Variants in HS3ST3B1 observed in about 807,000 individuals in gnomAD.
HS3ST3B1 encodes the protein heparan sulfate-glucosamine 3-sulfotransferase 3B1, also known as heparan sulfate glucosamine 3-O-sulfotransferase 3B1.
HS3ST3B1 carries 13 observed loss-of-function variants against 21.3 expected under a neutral mutation model. The ratio of observed to expected loss-of-function variants is 0.61; its 90% CI spans 0.40 to 0.97. The LOEUF is 0.97. Among genes scored for constraint, HS3ST3B1 ranks in the 50% least tolerant of loss-of-function variants. The probability of loss-of-function intolerance (pLI) is 0.00; values close to 1 mark genes in which losing one functional copy is unlikely to be tolerated. For synonymous variants in HS3ST3B1, 234 were observed against 254.8 expected (o/e 0.92, Z 0.78); for missense variants, 459 against 554.8 (o/e 0.83, Z 1.73).
intron 1 of HS3ST3B1, among the ~76,000 whole-genome samples, chr17:14,324,244 C>T (rs1909742094): frequency 6.6e-6 from 1 of 152,186 alleles, no homozygotes; most frequent in South Asian, 2.1e-4. Context: ...ACCCCTCACC[C>T]TCAAAACTTC....
At chr17:14,334,268 GTT>G (rs11384759) in intron 1 of HS3ST3B1, among the ~76,000 whole-genome samples, 1 of 146,894 alleles carries the variant, frequency 6.8e-6, no homozygotes, top group African/African-American at 2.5e-5. Flanking sequence ...TTTTTTCATG[GTT>G]TTTTTTTTTT....
At chr17:14,319,920 C>T (rs901906420) in intron 1 of HS3ST3B1, among the ~76,000 whole-genome samples, 1 of 151,924 alleles carries the variant, frequency 6.6e-6, no homozygotes, top group Non-Finnish European at 1.5e-5. Context: ...TCTTTGATTC[C>T]TCACCACCCT....
At position 14,345,784 on chromosome 17, in the gene HS3ST3B1, C is replaced by T. The variant is rs1314390650; in HGVS notation, c.*138C>T. The T allele has an allele frequency of 9.0e-7, 1 of 1,110,610 alleles. No individual in the cohort carries two copies. Among genetic ancestry groups the T allele is most frequent in the Non-Finnish European group, 1.2e-6 (1 of 800,120 alleles). The allele number at this position is 1,110,610 out of a possible 1,614,324, so 68.8% of individuals were successfully genotyped here. A position where few individuals can be genotyped will look rare whatever the true frequency, so the allele number is the denominator to read the frequency against. Reference sequence around the variant, plus strand: ...ATTAATTCACTAAGCTGCCTAGCCACACTCTTTAGAGAGTTAGCTTCATAA... The same window carrying T: ...ATTAATTCACTAAGCTGCCTAGCCATACTCTTTAGAGAGTTAGCTTCATAA... On this transcript the variant is annotated 3_prime_UTR_variant, in exon 2 of 2. Transcript: ENST00000360954.
rs375842978 is a variant in HS3ST3B1 at position 14,344,883 on chromosome 17, G to T, written c.555-145G>T. ...AGGTGGGATGCTAATCTACCTTTCA[G>T]CTCTAAAGTTCTACTTGCATTTTAC... is the stretch of plus-strand genomic sequence containing the variant. On this transcript the variant is annotated intron_variant, in intron 1 of 1. Transcript: ENST00000360954. 7 of 1,281,882 alleles carry T rather than the reference G, an allele frequency of 5.5e-6. No individual in the cohort carries two copies. In the African/African-American group the frequency reaches 6.0e-5, roughly 11 times the overall value. The allele number at this position is 1,281,882 out of a possible 1,614,324, so 79.4% of individuals were successfully genotyped here.
chr17:14,332,373 G>T (rs1910040964), intron 1 of HS3ST3B1, among the ~76,000 whole-genome samples: 1 of 151,828 alleles, frequency 6.6e-6, no homozygotes, highest in African/African-American at 2.4e-5. Flanking sequence ...TTAACACGTT[G>T]GTCTGAAGTA....
intron 1 of HS3ST3B1, among the ~76,000 whole-genome samples, chr17:14,302,681 C>G (rs1480412837): frequency 6.6e-6 from 1 of 152,018 alleles, no homozygotes; most frequent in Non-Finnish European, 1.5e-5. Context: ...GCGGGTGGCC[C>G]GGCGCCTCCG....
intron 1 of HS3ST3B1, among the ~76,000 whole-genome samples, chr17:14,332,829 CT>C (rs71147859): frequency 0.24 from 22,045 of 90,678 alleles, 2,842 homozygotes; most frequent in Non-Finnish European, 0.32. Context: ...GACCTTTTAT[CT>C]TTTTTTTTTT....
intron 1 of HS3ST3B1, among the ~76,000 whole-genome samples, chr17:14,317,250 T>C (rs1444569219): frequency 2.0e-5 from 3 of 152,230 alleles, no homozygotes; most frequent in African/African-American, 4.8e-5. Context: ...AGGACAGCCT[T>C]ATTGCCAGTG....
At chr17:14,317,029 C>A (rs1343913586) in intron 1 of HS3ST3B1, among the ~76,000 whole-genome samples, 1 of 152,232 alleles carries the variant, frequency 6.6e-6, no homozygotes, top group Non-Finnish European at 1.5e-5. Context: ...TCTACCTGAG[C>A]CCTTGCTCAG....
intron 1 of HS3ST3B1, among the ~76,000 whole-genome samples, chr17:14,308,229 G>C (rs1224535125): frequency 6.6e-6 from 1 of 152,144 alleles, no homozygotes; most frequent in Admixed American, 6.5e-5. Flanking sequence ...AGTTTAAGAC[G>C]TGAGAAGCAA....
Position 14,301,477 on chromosome 17 carries a change from C to G in HS3ST3B1, c.-42C>G. The G allele has an allele frequency of 7.1e-7, 1 of 1,417,086 alleles. No individual in the cohort carries two copies. Among genetic ancestry groups the G allele is most frequent in the Non-Finnish European group, 9.2e-7 (1 of 1,090,208 alleles). 87.8% of individuals were successfully genotyped at this position (1,417,086 alleles called of 1,614,324 possible). ...GCTCACTGCCCGGCGGGACCCACGCCATGTGCTGAGCCATGTCCCTGGCCG... is the reference window on the plus strand; with the variant it reads ...GCTCACTGCCCGGCGGGACCCACGCGATGTGCTGAGCCATGTCCCTGGCCG... On this transcript the variant is annotated 5_prime_UTR_variant, in exon 1 of 2. Coordinates refer to ENST00000360954, the MANE Select transcript of HS3ST3B1 (RefSeq NM_006041.3).
At chr17:14,324,086 C>G (rs1273379039) in intron 1 of HS3ST3B1, among the ~76,000 whole-genome samples, 2 of 152,172 alleles carry the variant, frequency 1.3e-5, no homozygotes, top group Non-Finnish European at 2.9e-5. Flanking sequence ...CAGAATGAGC[C>G]TTTCTGGACC....
At chr17:14,316,929 C>A (rs555804553) in intron 1 of HS3ST3B1, among the ~76,000 whole-genome samples, 1 of 152,202 alleles carries the variant, frequency 6.6e-6, no homozygotes, top group Admixed American at 6.5e-5. Flanking sequence ...TCTAAGCTTG[C>A]CATAGTTATC....
intron 1 of HS3ST3B1, among the ~76,000 whole-genome samples, chr17:14,337,826 AT>A (rs1006835479): frequency 1.1e-4 from 16 of 151,332 alleles, no homozygotes; most frequent in Admixed American, 2.0e-4. Flanking sequence ...TTGTCTTCTC[AT>A]TTTTTCCCCC....
At chr17:14,329,261 CCTT>C (rs1909904482) in intron 1 of HS3ST3B1, 1 of 150,552 alleles carries the variant, frequency 6.6e-6, no homozygotes, top group African/African-American at 2.5e-5. Flanking sequence ...CTGTTTCTCT[CCTT>C]CTCAACCTAA....
At chr17:14,329,369 A>AAAGAAAG in intron 1 of HS3ST3B1, 1 of 67,034 alleles carries the variant, frequency 1.5e-5, no homozygotes, top group Non-Finnish European at 3.4e-5. Context: ...AAGAAAGAAA[A>AAAGAAAG]GGAAGGAAGG....
At chr17:14,302,181 G>C (rs1164222792) in intron 1 of HS3ST3B1, 109 bp downstream of exon 1, 5 of 1,320,012 alleles carry the variant, frequency 3.8e-6, no homozygotes, top group African/African-American at 3.0e-5. Flanking sequence ...CGGACCACCC[G>C]GGGTAGGGCA....
chr17:14,338,406 G>C (rs1160239364), intron 1 of HS3ST3B1, among the ~76,000 whole-genome samples: 1 of 151,584 alleles, frequency 6.6e-6, no homozygotes, highest in Non-Finnish European at 1.5e-5. Flanking sequence ...TTACAGATGT[G>C]AGCCAACACG....
In HS3ST3B1 at chr17:14,303,449, C is replaced by T. The variant is rs1332898544; in HGVS notation, c.554+1377C>T. ...GTTTTTTATTATTGTCAGGAGTTGCCCAAGTCTCGAGGTTTAGCCAACCGT... is the reference window on the plus strand; with the variant it reads ...GTTTTTTATTATTGTCAGGAGTTGCTCAAGTCTCGAGGTTTAGCCAACCGT... On this transcript the variant is annotated intron_variant, in intron 1 of 1. Coordinates refer to ENST00000360954, the MANE Select transcript of HS3ST3B1 (RefSeq NM_006041.3). The surrounding 1 kb of genome is among the most constrained non-coding windows in gnomAD (Gnocchi z 5.7). Among the ~76,000 whole-genome samples, 1 of 152,264 alleles carries T rather than the reference C, an allele frequency of 6.6e-6. No individual in the cohort carries two copies. Among genetic ancestry groups the T allele is most frequent in the African/African-American group, 2.4e-5 (1 of 41,548 alleles).
Sources: gnomAD v4.1 joint callset for allele counts (sites outside exome capture counted in the v4.1 genomes callset) on GRCh38, gnomAD v4.1.1 for gene constraint, Gnocchi (gnomAD v3.1) non-coding constraint, MANE v1.5 for transcripts, NCBI Gene and HGNC (gene_info 2026-07-23, HGNC 2026-07-21) for gene names.